Variants in TBC1D5 observed in about 807,000 individuals in gnomAD.
TBC1D5 encodes the protein TBC1 domain family member 5.
TBC1D5 carries 75 observed loss-of-function variants against 100.3 expected under a neutral mutation model. That is an observed-to-expected ratio of 0.75 (90% CI 0.62 to 0.91). The LOEUF (loss-of-function observed/expected upper bound fraction) is 0.91. Among genes scored for constraint, TBC1D5 ranks in the 40% least tolerant of loss-of-function variants. TBC1D5 has a pLI of 0.00. For missense variants in TBC1D5, 910 were observed against 942.4 expected, an observed-to-expected ratio of 0.97 and a Z score of 0.45; for synonymous variants, 323 against 325.6, an observed-to-expected ratio of 0.99 and a Z score of 0.09.
intron 13 of TBC1D5, among the ~76,000 whole-genome samples, chr3:17,358,250 T>A (rs2091400276): frequency 6.6e-6 from 1 of 152,160 alleles, no homozygotes; most frequent in Non-Finnish European, 1.5e-5. Context: ...AATGGCATGA[T>A]CTCGGCTCAC....
intron 1 of TBC1D5, among the ~76,000 whole-genome samples, chr3:17,696,549 C>A (rs1283401946): frequency 6.6e-6 from 1 of 152,098 alleles, no homozygotes; most frequent in East Asian, 1.9e-4. Context: ...CAAGACTAAA[C>A]CAGCAAGAAG....
intron 2 of TBC1D5, among the ~76,000 whole-genome samples, chr3:17,544,561 GA>G (rs2096393851): frequency 6.7e-6 from 1 of 149,886 alleles, no homozygotes; most frequent in South Asian, 2.1e-4. Flanking sequence ...TGAGACAGGA[GA>G]ATCTCTTGAA....
At chr3:17,700,773 CA>C (rs1037273210) in intron 1 of TBC1D5, among the ~76,000 whole-genome samples, 16 of 152,290 alleles carry the variant, frequency 1.1e-4, no homozygotes, top group African/African-American at 3.1e-4. Context: ...AGCAAAACCA[CA>C]ATGAGATACC....
chr3:17,313,020 C>CTT (rs1254652214), intron 13 of TBC1D5, among the ~76,000 whole-genome samples: 4 of 152,140 alleles, frequency 2.6e-5, no homozygotes, highest in Non-Finnish European at 4.4e-5. Flanking sequence ...GACTGAGTAA[C>CTT]TTTAGCATAT....
intron 1 of TBC1D5, among the ~76,000 whole-genome samples, chr3:17,681,419 C>G (rs541700947): frequency 6.6e-6 from 1 of 151,588 alleles, no homozygotes; most frequent in African/African-American, 2.4e-5. Context: ...GTAACTATGA[C>G]TTTAATAATG....
chr3:17,337,049 G>A (rs1336458538), intron 13 of TBC1D5, among the ~76,000 whole-genome samples: 2 of 149,600 alleles, frequency 1.3e-5, no homozygotes, highest in African/African-American at 4.9e-5. Context: ...AGCATTATTC[G>A]AAAAAAGTCA....
At chr3:17,694,441 G>A (rs554065221) in intron 1 of TBC1D5, among the ~76,000 whole-genome samples, 3 of 152,122 alleles carry the variant, frequency 2.0e-5, no homozygotes, top group East Asian at 1.9e-4. Context: ...TGAGAACTAC[G>A]CAACGCATGC....
chr3:17,315,643 G>A (rs1471136502), intron 13 of TBC1D5, among the ~76,000 whole-genome samples: 1 of 152,180 alleles, frequency 6.6e-6, no homozygotes, highest in Admixed American at 6.5e-5. Context: ...ATGTAGTGGT[G>A]GAAGAGAGAT....
intron 16 of TBC1D5, among the ~76,000 whole-genome samples, chr3:17,239,265 G>T (rs2149054517): frequency 6.6e-6 from 1 of 152,190 alleles, no homozygotes; most frequent in East Asian, 1.9e-4. Context: ...CTGCCACAAT[G>T]GAAGACCAGC....
chr3:17,671,392 C>A (rs1327334976), intron 1 of TBC1D5, among the ~76,000 whole-genome samples: 1 of 152,198 alleles, frequency 6.6e-6, no homozygotes, highest in Admixed American at 6.5e-5. Flanking sequence ...CCTAAGCACA[C>A]TGAGTGACAG....
intron 21 of TBC1D5, among the ~76,000 whole-genome samples, chr3:17,162,876 T>A (rs2066208767): frequency 6.6e-6 from 1 of 152,216 alleles, no homozygotes; most frequent in African/African-American, 2.4e-5. Flanking sequence ...GTAGACACTT[T>A]GTTCATAGGA....
intron 1 of TBC1D5, among the ~76,000 whole-genome samples, chr3:17,728,581 A>G (rs1011481498): frequency 6.6e-6 from 1 of 152,226 alleles, no homozygotes; most frequent in African/African-American, 2.4e-5. Flanking sequence ...ATCCAAGAAC[A>G]TATGGGCATT....
chr3:17,312,342 G>C (rs984373973), intron 13 of TBC1D5, among the ~76,000 whole-genome samples: 4 of 152,072 alleles, frequency 2.6e-5, no homozygotes, highest in African/African-American at 4.8e-5. Context: ...TTACCTGTTT[G>C]GTAAATTTTT....
chr3:17,698,688 A>G (rs1164810051), intron 1 of TBC1D5, among the ~76,000 whole-genome samples: 1 of 149,210 alleles, frequency 6.7e-6, no homozygotes, highest in Non-Finnish European at 1.5e-5. Flanking sequence ...AACTCAAACA[A>G]ATTTACAAGA....
At chr3:17,466,897 A>G (rs981983938) in intron 3 of TBC1D5, among the ~76,000 whole-genome samples, 2 of 152,154 alleles carry the variant, frequency 1.3e-5, no homozygotes, top group African/African-American at 2.4e-5. Flanking sequence ...ATTAAATTTA[A>G]AAGTTTATAA....
chr3:17,357,333 G>C (rs2091305652), intron 13 of TBC1D5, among the ~76,000 whole-genome samples: 1 of 152,128 alleles, frequency 6.6e-6, no homozygotes, highest in Non-Finnish European at 1.5e-5. Context: ...CACTGAAAAG[G>C]ATAATTAGAT....
chr3:17,541,900 C>A (rs571822831), intron 2 of TBC1D5, among the ~76,000 whole-genome samples: 1 of 152,218 alleles, frequency 6.6e-6, no homozygotes, highest in African/African-American at 2.4e-5. Flanking sequence ...ACCCTACACA[C>A]ACTATGGTTT....
chr3:17,620,409 C>T (rs373303794), intron 2 of TBC1D5, among the ~76,000 whole-genome samples: 177 of 152,264 alleles, frequency 1.2e-3, no homozygotes, highest in Middle Eastern at 3.4e-3. Flanking sequence ...TACTTAAATG[C>T]GCAAGCATAA....
intron 2 of TBC1D5, among the ~76,000 whole-genome samples, chr3:17,620,613 G>A (rs377471561): frequency 1.2e-4 from 18 of 152,206 alleles, no homozygotes; most frequent in South Asian, 1.0e-3. Context: ...ATATCTCTGC[G>A]TTATCTTTAT....
Sources: allele counts gnomAD v4.1 joint callset (sites outside exome capture counted in the v4.1 genomes callset), GRCh38; gene constraint gnomAD v4.1.1; transcripts MANE v1.5; gene names NCBI Gene and HGNC (gene_info 2026-07-23, HGNC 2026-07-21).